Variants in ADK observed in about 807,000 individuals in gnomAD.
The protein encoded by ADK is adenosine kinase.
A neutral mutation model predicts 44.7 loss-of-function variants in ADK; 24 were observed. That is an observed-to-expected ratio of 0.54 (90% CI 0.39 to 0.76). The LOEUF (loss-of-function observed/expected upper bound fraction) is 0.76, where lower values mean the gene tolerates loss of function less well. ADK is among the 30% of genes least tolerant of loss of function. The probability of loss-of-function intolerance (pLI) is 0.00; values close to 1 mark genes in which losing one functional copy is unlikely to be tolerated. For synonymous variants in ADK, 128 were observed against 142.6 expected (o/e 0.90, Z 0.73); for missense variants, 321 against 425.1 (o/e 0.76, Z 2.15).
At chr10:74,277,824 T>C (rs1846763173) in intron 3 of ADK, among the ~76,000 whole-genome samples, 2 of 151,700 alleles carry the variant, frequency 1.3e-5, no homozygotes, top group South Asian at 4.1e-4. Context: ...CCATGTGATA[T>C]CTATGCTTAG....
intron 7 of ADK, among the ~76,000 whole-genome samples, chr10:74,549,824 A>C (rs938424781): frequency 6.6e-6 from 1 of 152,172 alleles, no homozygotes; most frequent in African/African-American, 2.4e-5. Context: ...CACAGGCGTT[A>C]ATTATTGACA....
intron 3 of ADK, among the ~76,000 whole-genome samples, chr10:74,303,588 G>T (rs111604188): frequency 0.54 from 37,044 of 68,040 alleles, 10,056 homozygotes; most frequent in Middle Eastern, 0.66. Flanking sequence ...TTTTAATGTT[G>T]TTTTTTTTTT....
At chr10:74,395,044 T>C (rs977718451) in intron 5 of ADK, among the ~76,000 whole-genome samples, 3 of 152,214 alleles carry the variant, frequency 2.0e-5, no homozygotes, top group African/African-American at 7.2e-5. Context: ...GCACAGGCTT[T>C]TTTCCCCTTT....
chr10:74,240,372 T>TTGTGTGTGTGTGTGTGTGTGTGTG (rs142465407), intron 3 of ADK, among the ~76,000 whole-genome samples: 1 of 147,138 alleles, frequency 6.8e-6, no homozygotes, highest in Admixed American at 6.8e-5. Context: ...TCCTTTTATT[T>TTGTGTGTGTGTGTGTGTGTGTGTG]TGTGTGTGTG....
chr10:74,329,572 G>A (rs567250208), intron 4 of ADK, among the ~76,000 whole-genome samples: 7 of 152,336 alleles, frequency 4.6e-5, no homozygotes, highest in African/African-American at 1.7e-4. Context: ...ATGCAGTGGA[G>A]TTTTCAAATA....
intron 4 of ADK, among the ~76,000 whole-genome samples, chr10:74,338,501 A>G (rs878906839): frequency 1.3e-5 from 2 of 152,232 alleles, no homozygotes; most frequent in Admixed American, 1.3e-4. Context: ...AATTGCCTCA[A>G]ACTGGAAAGA....
chr10:74,507,658 G>A (rs1848136668), intron 6 of ADK, among the ~76,000 whole-genome samples: 1 of 151,950 alleles, frequency 6.6e-6, no homozygotes, highest in Admixed American at 6.6e-5. Context: ...TAGTGACATG[G>A]GATTTTGTGT....
At chr10:74,262,447 T>TG (rs1591950793) in intron 3 of ADK, among the ~76,000 whole-genome samples, 1 of 151,892 alleles carries the variant, frequency 6.6e-6, no homozygotes, top group Non-Finnish European at 1.5e-5. Flanking sequence ...AGGTAGAGGG[T>TG]GGGGCAGGGA....
intron 6 of ADK, chr10:74,423,966 C>A: frequency 1.2e-5 from 2 of 172,198 alleles, no homozygotes; most frequent in South Asian, 2.9e-4. Context: ...ACTCATTGTT[C>A]CCAGTGGCTG....
intron 6 of ADK, among the ~76,000 whole-genome samples, chr10:74,490,293 A>G (rs573869195): frequency 4.6e-4 from 70 of 152,244 alleles, no homozygotes; most frequent in Middle Eastern, 3.4e-3. Context: ...AAAAATACCT[A>G]TATACTAACT....
chr10:74,315,362 G>A (rs1286271854), intron 4 of ADK, among the ~76,000 whole-genome samples: 4 of 151,996 alleles, frequency 2.6e-5, no homozygotes, highest in South Asian at 2.1e-4. Context: ...TATCTATACC[G>A]GTGTATATCT....
At chr10:74,639,087 G>T (rs770038814) in intron 9 of ADK, among the ~76,000 whole-genome samples, 1 of 152,182 alleles carries the variant, frequency 6.6e-6, no homozygotes, top group Non-Finnish European at 1.5e-5. Flanking sequence ...GGGATTATAA[G>T]CATGAACCAC....
intron 4 of ADK, among the ~76,000 whole-genome samples, chr10:74,391,489 G>C (rs1433064681): frequency 6.6e-6 from 1 of 151,448 alleles, no homozygotes; most frequent in Non-Finnish European, 1.5e-5. Context: ...TATAAAATTA[G>C]CAAACACAAA....
chr10:74,398,639 G>A, intron 6 of ADK, 60 bp downstream of exon 6: 2 of 908,530 alleles, frequency 2.2e-6, no homozygotes, highest in South Asian at 3.4e-5. Flanking sequence ...TATAGTTGTT[G>A]TCTGATATAT....
intron 4 of ADK, among the ~76,000 whole-genome samples, chr10:74,373,578 A>T (rs1360990704): frequency 6.6e-6 from 1 of 152,200 alleles, no homozygotes; most frequent in Admixed American, 6.5e-5. Context: ...GCTCAACATA[A>T]TTAGCTATCA....
intron 6 of ADK, among the ~76,000 whole-genome samples, chr10:74,448,201 C>G (rs1008525732): frequency 6.6e-6 from 1 of 151,874 alleles, no homozygotes; most frequent in Non-Finnish European, 1.5e-5. Flanking sequence ...TAGGTTTAAT[C>G]CCAGCTACTT....
chr10:74,440,575 A>G lies in ADK; in HGVS notation c.555+41996A>G, dbSNP rs555197116. On this transcript the variant is annotated intron_variant, in intron 6 of 10. Coordinates refer to ENST00000539909, the MANE Select transcript of ADK (RefSeq NM_006721.4). ...TGTTTAAAATAAATGATCTACCATT[A>G]TGTTCATAAATAAAAATAAAGATAT... Among the ~76,000 whole-genome samples, 50 of 152,312 alleles carry G rather than the reference A, an allele frequency of 3.3e-4. No homozygotes were observed. The South Asian group carries it at 0.01, about 31-fold the overall frequency.
chr10:74,247,208 ATTTTTTTTTTTTTAAGTTTTT>A (rs1845449175), intron 3 of ADK, among the ~76,000 whole-genome samples: 1 of 59,322 alleles, frequency 1.7e-5, no homozygotes, highest in East Asian at 4.6e-4. Context: ...GCTTTTTTTG[ATTTTTTTTTTTTTAAGTTTTT>A]TTTTTTTTTT....
intron 8 of ADK, among the ~76,000 whole-genome samples, chr10:74,595,918 A>G (rs1218965521): frequency 1.4e-5 from 2 of 146,324 alleles, no homozygotes; most frequent in Non-Finnish European, 3.0e-5. Context: ...AATCACTTGA[A>G]CCCAGGAGGC....
Sources: gnomAD v4.1 joint callset for allele counts (sites outside exome capture counted in the v4.1 genomes callset) on GRCh38, gnomAD v4.1.1 for gene constraint, MANE v1.5 for transcripts, NCBI Gene and HGNC (gene_info 2026-07-23, HGNC 2026-07-21) for gene names.